Variants in KHDRBS2 observed in about 807,000 individuals in gnomAD.
KHDRBS2 encodes the protein KH RNA binding domain containing, signal transduction associated 2.
A neutral mutation model predicts 44.3 loss-of-function variants in KHDRBS2; 26 were observed. That is an observed-to-expected ratio of 0.59 (90% CI 0.43 to 0.81). The LOEUF is 0.81. KHDRBS2 is among the 40% of genes least tolerant of loss of function. The probability of loss-of-function intolerance (pLI) is 0.00; values close to 1 mark genes in which losing one functional copy is unlikely to be tolerated. For synonymous variants in KHDRBS2, 194 were observed against 151.1 expected (o/e 1.28, Z -2.08); for missense variants, 476 against 433.1 (o/e 1.10, Z -0.88).
At chr6:62,032,299 C>G (rs928420755) in intron 3 of KHDRBS2, among the ~76,000 whole-genome samples, 1 of 151,972 alleles carries the variant, frequency 6.6e-6, no homozygotes, top group Non-Finnish European at 1.5e-5. Flanking sequence ...AATCAGCTGC[C>G]AGCGCAGCTA....
At chr6:61,567,144 T>A in the KHDRBS2 span, among the ~76,000 whole-genome samples, 1 of 152,220 alleles carries the variant, frequency 6.6e-6, no homozygotes, top group Admixed American at 6.5e-5. Context: ...TCTGTTTCAA[T>A]GATTACATTT....
chr6:62,107,162 T>A (rs1803610863), intron 2 of KHDRBS2, among the ~76,000 whole-genome samples: 1 of 151,968 alleles, frequency 6.6e-6, no homozygotes, highest in Non-Finnish European at 1.5e-5. Flanking sequence ...TGTCCCTGTT[T>A]GCAGATGACA....
At chr6:62,252,353 T>A (rs1392576615) in intron 1 of KHDRBS2, among the ~76,000 whole-genome samples, 2 of 151,986 alleles carry the variant, frequency 1.3e-5, no homozygotes, top group Admixed American at 1.3e-4. Context: ...TTATCTTACC[T>A]ATTTGAATAA....
At chr6:61,816,639 G>T in intron 6 of KHDRBS2, 1 of 450,718 alleles carries the variant, frequency 2.2e-6, no homozygotes, top group South Asian at 1.6e-5. Flanking sequence ...TTATCACAAT[G>T]CTATGAAACA....
At chr6:61,662,637 A>G in the KHDRBS2 span, among the ~76,000 whole-genome samples, 1 of 152,062 alleles carries the variant, frequency 6.6e-6, no homozygotes, top group Non-Finnish European at 1.5e-5. Context: ...CAGCCAAAAA[A>G]CACATGAAAA....
chr6:61,730,593 A>G (rs1450169882), intron 7 of KHDRBS2, among the ~76,000 whole-genome samples: 1 of 152,116 alleles, frequency 6.6e-6, no homozygotes, highest in Non-Finnish European at 1.5e-5. Context: ...ATTGGAATTC[A>G]GGGCAGAAAC....
intron 3 of KHDRBS2, among the ~76,000 whole-genome samples, chr6:62,018,457 C>G (rs546456270): frequency 6.6e-6 from 1 of 152,098 alleles, no homozygotes; most frequent in African/African-American, 2.4e-5. Context: ...ACGCCATTCT[C>G]CTGTCTCAGC....
chr6:62,285,890 G>T lies in KHDRBS2; in HGVS notation c.59C>A (p.Ser20Tyr). 1 of 1,613,530 alleles carries T rather than the reference G, an allele frequency of 6.2e-7. No individual in the cohort carries two copies. The highest frequency in any genetic ancestry group is 2.2e-5 in the East Asian group (1 of 44,796). The change falls in exon 1 of 9, where the codon TCT becomes TAT. Residue 20 changes from serine to tyrosine, a missense_variant. Transcript: ENST00000281156. ...CAAAAGGCGCGACGCATGCACAAAA[G>T]ATGGATCCAGGCTATCTTTCTCTGC... ...LMAEKDSLDP[S>Y]FVHASRLLAE...
At chr6:62,179,708 C>T (rs185526272) in intron 1 of KHDRBS2, among the ~76,000 whole-genome samples, 1 of 151,872 alleles carries the variant, frequency 6.6e-6, no homozygotes, top group East Asian at 1.9e-4. Context: ...TATTTGTCAA[C>T]CACAAAACTA....
rs1583335034 is a variant in KHDRBS2 at position 61,887,109 on chromosome 6, G to T, written c.810+7526C>A. 3.4e-5 allele frequency among the ~76,000 whole-genome samples: 5 copies of T among 148,922 alleles called. No individual in the cohort carries two copies. In the East Asian group the frequency reaches 7.9e-4, roughly 23 times the overall value. On this transcript the variant is annotated intron_variant, in intron 6 of 8. Coordinates refer to ENST00000281156, the MANE Select transcript of KHDRBS2 (RefSeq NM_152688.4). ...GAGGAAACACAATGTATCAGATAGA[G>T]AATTTGTAGAGACAGAAAAGTGGAT...
At chr6:61,621,929 C>T in the KHDRBS2 span, among the ~76,000 whole-genome samples, 1 of 152,172 alleles carries the variant, frequency 6.6e-6, no homozygotes, top group Non-Finnish European at 1.5e-5. Context: ...CTGAAAAAAG[C>T]TTCACCATAG....
At chr6:61,567,196 G>T in the KHDRBS2 span, among the ~76,000 whole-genome samples, 1 of 152,116 alleles carries the variant, frequency 6.6e-6, no homozygotes, top group African/African-American at 2.4e-5. Context: ...ATATTTCTGG[G>T]TTGTGGAAGA....
At chr6:61,550,882 C>T in the KHDRBS2 span, among the ~76,000 whole-genome samples, 2 of 150,298 alleles carry the variant, frequency 1.3e-5, no homozygotes, top group Admixed American at 6.7e-5. Flanking sequence ...AAGTGATTCT[C>T]CTCCTCATCT....
intron 7 of KHDRBS2, among the ~76,000 whole-genome samples, chr6:61,707,953 C>G (rs1252603140): frequency 1.3e-5 from 2 of 151,570 alleles, no homozygotes; most frequent in African/African-American, 4.8e-5. Context: ...ATCACAGGTG[C>G]CAATATCATT....
At chr6:61,644,075 C>A in the KHDRBS2 span, among the ~76,000 whole-genome samples, 1 of 152,032 alleles carries the variant, frequency 6.6e-6, no homozygotes, top group African/African-American at 2.4e-5. Context: ...CTATAGTAAC[C>A]AAAACAGCAT....
chr6:62,022,274 T>C (rs1160590159), intron 3 of KHDRBS2, among the ~76,000 whole-genome samples: 1 of 151,778 alleles, frequency 6.6e-6, no homozygotes, highest in Non-Finnish European at 1.5e-5. Flanking sequence ...TTTAATGTTA[T>C]GAAGTAAAAA....
At chr6:62,271,763 C>A (rs1318970033) in intron 1 of KHDRBS2, among the ~76,000 whole-genome samples, 1 of 151,382 alleles carries the variant, frequency 6.6e-6, no homozygotes, top group Non-Finnish European at 1.5e-5. Context: ...ATTTAAAAAT[C>A]AAAAAAGCTT....
intron 1 of KHDRBS2, among the ~76,000 whole-genome samples, chr6:62,258,053 T>C (rs975370481): frequency 1.3e-5 from 2 of 151,988 alleles, no homozygotes; most frequent in Admixed American, 1.3e-4. Flanking sequence ...CCAGAATACC[T>C]ATGTTAGCAG....
the KHDRBS2 span, among the ~76,000 whole-genome samples, chr6:61,674,007 GT>G: frequency 6.6e-6 from 1 of 151,764 alleles, no homozygotes; most frequent in African/African-American, 2.4e-5. Context: ...TTAAAGCAGA[GT>G]TTTGATCTAC....
Sources: allele counts gnomAD v4.1 joint callset (sites outside exome capture counted in the v4.1 genomes callset), GRCh38; gene constraint gnomAD v4.1.1; transcripts MANE v1.5; gene names NCBI Gene and HGNC (gene_info 2026-07-23, HGNC 2026-07-21).